Variants in OTUD7A observed in about 807,000 individuals in gnomAD.
The protein encoded by OTUD7A is OTU domain-containing protein 7A.
Under a neutral mutation model 65.7 loss-of-function variants are expected in OTUD7A, and 12 were observed. The observed-to-expected ratio is 0.18, with a 90% CI of 0.12 to 0.30. The LOEUF (loss-of-function observed/expected upper bound fraction) is 0.30. Ranked by LOEUF, OTUD7A falls within the 10% of genes least tolerant of loss-of-function variation. OTUD7A has a pLI of 1.00. For synonymous variants in OTUD7A, 641 were observed against 586.3 expected (o/e 1.09, Z -1.35); for missense variants, 1,148 against 1,304.8 (o/e 0.88, Z 1.85).
intron 3 of OTUD7A, among the ~76,000 whole-genome samples, chr15:31,581,242 G>C (rs531979404): frequency 1.3e-5 from 2 of 152,368 alleles, no homozygotes; most frequent in African/African-American, 4.8e-5. Context: ...GCTCCACCCT[G>C]TGGCTTTGCA....
At chr15:31,598,047 AG>A (rs1889959051) in intron 3 of OTUD7A, among the ~76,000 whole-genome samples, 1 of 152,128 alleles carries the variant, frequency 6.6e-6, no homozygotes, top group Non-Finnish European at 1.5e-5. Flanking sequence ...ATGATGGCCA[AG>A]GGAGCCTGGT....
chr15:31,499,816 T>C lies in OTUD7A; in HGVS notation c.1171+1874A>G, dbSNP rs112359566. ...CCCACACCACAGTGGCTCTGAGAGG[T>C]GCACTGGGACCAGATCCCAGTTTTT... is the stretch of plus-strand genomic sequence containing the variant. On this transcript the variant is annotated intron_variant, in intron 10 of 12. Coordinates refer to ENST00000307050, the MANE Select transcript of OTUD7A (RefSeq NM_001382637.1). 3.4e-4 allele frequency among the ~76,000 whole-genome samples: 51 copies of C among 152,212 alleles called. 1 individual carries two copies. Among genetic ancestry groups the C allele is most frequent in the African/African-American group, 1.2e-3 (51 of 41,524 alleles).
chr15:31,579,510 C>A (rs1889306666), intron 3 of OTUD7A, among the ~76,000 whole-genome samples: 2 of 152,116 alleles, frequency 1.3e-5, no homozygotes, highest in Admixed American at 1.3e-4. Context: ...CCTGGACCCA[C>A]TGGACAAAGG....
At chr15:31,537,157 T>A (rs1306283134) in intron 5 of OTUD7A, among the ~76,000 whole-genome samples, 1 of 152,152 alleles carries the variant, frequency 6.6e-6, no homozygotes, top group Non-Finnish European at 1.5e-5. Flanking sequence ...AGGAGTATAT[T>A]TATTTTAGAG....
chr15:31,798,212 G>T (rs1318782235), intron 1 of OTUD7A, among the ~76,000 whole-genome samples: 1 of 152,110 alleles, frequency 6.6e-6, no homozygotes, highest in Admixed American at 6.6e-5. Flanking sequence ...TTTGTGGGGG[G>T]GTGGGGGTCC....
At chr15:31,504,911 G>A (rs1395449921) in intron 8 of OTUD7A, among the ~76,000 whole-genome samples, 1 of 146,412 alleles carries the variant, frequency 6.8e-6, no homozygotes, top group African/African-American at 2.5e-5. Context: ...TTTTTTTTGA[G>A]ACAGAGTCTT....
chr15:31,528,275 A>G (rs17228387), intron 6 of OTUD7A, among the ~76,000 whole-genome samples: 51,932 of 152,100 alleles, frequency 0.34, 8,955 homozygotes, highest in Admixed American at 0.39. Context: ...CAAAGGCTCA[A>G]ATGGGTGGAG....
At chr15:31,806,891 T>C (rs1243845897) in intron 1 of OTUD7A, among the ~76,000 whole-genome samples, 1 of 152,168 alleles carries the variant, frequency 6.6e-6, no homozygotes, top group Non-Finnish European at 1.5e-5. Context: ...ACCCTGGGGA[T>C]GAAGGCAGCA....
At chr15:31,508,727 T>G (rs2041622942) in intron 8 of OTUD7A, among the ~76,000 whole-genome samples, 1 of 152,246 alleles carries the variant, frequency 6.6e-6, no homozygotes, top group Non-Finnish European at 1.5e-5. Flanking sequence ...ATTTTTAGTT[T>G]TGAGGAAAGG....
chr15:31,802,198 T>A (rs982143422), intron 1 of OTUD7A, among the ~76,000 whole-genome samples: 2 of 150,924 alleles, frequency 1.3e-5, no homozygotes, highest in African/African-American at 4.9e-5. Context: ...GATCACAAGG[T>A]CCCACAATAG....
intron 5 of OTUD7A, among the ~76,000 whole-genome samples, chr15:31,539,336 C>T (rs1042211180): frequency 6.6e-6 from 1 of 151,980 alleles, no homozygotes; most frequent in African/African-American, 2.4e-5. Context: ...TTGTTCCAGC[C>T]TTTATTACAG....
chr15:31,538,636 A>T (rs1887883351), intron 5 of OTUD7A, among the ~76,000 whole-genome samples: 1 of 152,178 alleles, frequency 6.6e-6, no homozygotes, highest in African/African-American at 2.4e-5. Context: ...AGCCAATTTT[A>T]ACTTCTCTGA....
At chr15:31,551,960 G>T (rs1444982742) in intron 5 of OTUD7A, among the ~76,000 whole-genome samples, 1 of 152,232 alleles carries the variant, frequency 6.6e-6, no homozygotes, top group Non-Finnish European at 1.5e-5. Context: ...CCAAATCTAT[G>T]TTGAAATGTG....
At position 31,638,591 on chromosome 15, in the gene OTUD7A, C is replaced by T. The variant is rs373192400; in HGVS notation, c.151+16505G>A. Among the ~76,000 whole-genome samples, 11 of 150,352 alleles carry T rather than the reference C, an allele frequency of 7.3e-5. No individual in the cohort carries two copies. The East Asian group carries it at 1.6e-3, about 21-fold the overall frequency. ...TTTTTTTTTTCAATAGAGACGAGGT[C>T]TCACCATGCTGCCCAAGCTGGTCTG... On this transcript the variant is annotated intron_variant, in intron 3 of 12. Coordinates refer to ENST00000307050, the MANE Select transcript of OTUD7A (RefSeq NM_001382637.1).
chr15:31,735,371 C>T (rs1230290785), intron 1 of OTUD7A, among the ~76,000 whole-genome samples: 2 of 151,748 alleles, frequency 1.3e-5, no homozygotes, highest in African/African-American at 4.8e-5. Flanking sequence ...ACTAAAAATA[C>T]AAAAAAATTA....
intron 1 of OTUD7A, among the ~76,000 whole-genome samples, chr15:31,854,405 G>A (rs1355316032): frequency 6.6e-6 from 1 of 152,140 alleles, no homozygotes; most frequent in Non-Finnish European, 1.5e-5. Context: ...TGAGAATTAG[G>A]ACAGGAACAT....
Position 31,493,062 on chromosome 15 carries a change from T to C in OTUD7A, c.1172-5496A>G, listed in dbSNP as rs190771805. Among the ~76,000 whole-genome samples the C allele has an allele frequency of 2.6e-5, 4 of 151,484 alleles. No individual in the cohort carries two copies. The East Asian group carries it at 7.7e-4, about 29-fold the overall frequency. On this transcript the variant is annotated intron_variant, in intron 10 of 12. Coordinates refer to ENST00000307050, the MANE Select transcript of OTUD7A (RefSeq NM_001382637.1). ...CTCTACTAAAAATACAAAAATTAGC[T>C]GGGCATGATAGTGTGTGCCTGTAAT...
At chr15:31,521,979 C>T (rs2041943777) in intron 8 of OTUD7A, among the ~76,000 whole-genome samples, 2 of 152,150 alleles carry the variant, frequency 1.3e-5, no homozygotes, top group Admixed American at 1.3e-4. Flanking sequence ...ATTATTTTCA[C>T]CATAGTCAAG....
chr15:31,592,124 G>A (rs1297530182), intron 3 of OTUD7A, among the ~76,000 whole-genome samples: 2 of 152,214 alleles, frequency 1.3e-5, no homozygotes, highest in African/African-American at 2.4e-5. Flanking sequence ...TGAGTGAGAG[G>A]TGAGTGAATG....
Sources: gnomAD v4.1 joint callset for allele counts (sites outside exome capture counted in the v4.1 genomes callset) on GRCh38, gnomAD v4.1.1 for gene constraint, MANE v1.5 for transcripts, NCBI Gene and HGNC (gene_info 2026-07-23, HGNC 2026-07-21) for gene names.